The following ZNF219 variants were observed in gnomAD, a reference collection of about 807,000 sequenced individuals.
The protein encoded by ZNF219 is zinc finger protein 219.
A neutral mutation model predicts 54.4 loss-of-function variants in ZNF219; 17 were observed. The ratio of observed to expected loss-of-function variants is 0.31; its 90% CI spans 0.21 to 0.47. The LOEUF (loss-of-function observed/expected upper bound fraction) is 0.47. Among genes scored for constraint, ZNF219 ranks in the 20% least tolerant of loss-of-function variants. The pLI is 1.00. For missense variants in ZNF219, 1,014 were observed against 1,062.3 expected, an observed-to-expected ratio of 0.95 and a Z score of 0.63; for synonymous variants, 518 against 476.4, an observed-to-expected ratio of 1.09 and a Z score of -1.14.
At chr14:21,098,695 G>T, upstream of ZNF219, 1 of 1,042,266 alleles carries the variant, frequency 9.6e-7, no homozygotes, top group Non-Finnish European at 1.2e-6. Context: ...GGAGGGAGCG[G>T]GGGTGGGGCG....
upstream of ZNF219, chr14:21,101,780 T>A: frequency 9.1e-7 from 1 of 1,093,760 alleles, no homozygotes; most frequent in East Asian, 2.6e-5. Context: ...TCAATCCCAT[T>A]TCCTGATCTC....
chr14:21,091,270 T>TCCCA, intron 4 of ZNF219, 130 bp from the exon 5 acceptor site: 2 of 1,505,762 alleles, frequency 1.3e-6, no homozygotes, highest in Non-Finnish European at 8.9e-7. Context: ...CACTTTGATT[T>TCCCA]AATAAAGGAG....
intron 1 of ZNF219, among the ~76,000 whole-genome samples, chr14:21,095,085 G>A (rs964240169): frequency 2.6e-5 from 4 of 152,176 alleles, no homozygotes; most frequent in Admixed American, 1.3e-4. Flanking sequence ...TGTCAGCAGA[G>A]AGAAAAGGCT....
chr14:21,103,332 T>A, upstream of ZNF219: 3 of 1,495,912 alleles, frequency 2.0e-6, no homozygotes, highest in Non-Finnish European at 1.8e-6. Context: ...TCGAGTCCAA[T>A]AGGAAGTCCG....
chr14:21,092,779 C>G lies in ZNF219; in HGVS notation c.518G>C (p.Arg173Pro), dbSNP rs371397983. ...FRCPYCKGKF[R>P]TSAERERHLH... The stretch of plus-strand genomic sequence containing the variant: ...GTGGCGTTCGCGCTCCGCCGAGGTG[C>G]GAAACTTGCCTTTGCAGTAGGGGCA... The change falls in exon 3 of 5, where the codon CGC (arginine) becomes CCC (proline). Residue 173 changes from arginine (R) to proline (P), a missense_variant. Coordinates refer to ENST00000360947, the MANE Select transcript of ZNF219 (RefSeq NM_016423.3). 1.9e-6 allele frequency: 3 copies of G among 1,580,786 alleles called. No homozygotes were observed. The highest frequency in any genetic ancestry group is 2.6e-6 in the Non-Finnish European group (3 of 1,162,904).
In ZNF219 at chr14:21,090,777, C is replaced by T; in HGVS notation, c.1928G>A (p.Gly643Asp). The change falls in exon 5 of 5, where the codon GGT becomes GAT. Residue 643 changes from glycine to aspartate, a missense_variant. By Grantham distance (94) the Gly-to-Asp change is moderately conservative. Around this residue, in one of 5 missense-constraint regions of ZNF219, gnomAD observed 281 missense variants for 271.2 expected, o/e 1.04. Transcript: ENST00000360947. This position sits in a 1 kb window ranked among gnomAD's most constrained non-coding sequence, Gnocchi z 4.4. ...GCAGAAGAGGCAGCGGTGGAGGGCA[C>T]CCCCAGGCCCGGCCTCGCCTCCCGG... ...AGPGGEAGPGGALHRCLFCPF... is the reference protein window; with the variant it reads ...AGPGGEAGPGDALHRCLFCPF... 2.5e-6 allele frequency: 4 copies of T among 1,597,034 alleles called. No individual in the cohort carries two copies. The highest frequency in any genetic ancestry group is 3.4e-6 in the Non-Finnish European group (4 of 1,172,660).
At chr14:21,103,213 G>T (rs1370087174), upstream of ZNF219, 2 of 1,551,650 alleles carry the variant, frequency 1.3e-6, no homozygotes. Flanking sequence ...CAAATGAGAG[G>T]GTGGGACAGC....
At chr14:21,102,795 AG>A (rs1382747936), upstream of ZNF219, 1 of 1,545,776 alleles carries the variant, frequency 6.5e-7, no homozygotes, top group East Asian at 2.4e-5. Context: ...GGGGCAGGGA[AG>A]AAAGCACGAA....
upstream of ZNF219, chr14:21,101,921 C>G: frequency 6.4e-7 from 1 of 1,551,644 alleles, no homozygotes. Context: ...CAGTCGCCTG[C>G]CTGAACTCTG....
Position 21,091,210 on chromosome 14 carries a change from A to G in ZNF219, c.1565-70T>C, listed in dbSNP as rs1888842398. On this transcript the variant is annotated intron_variant, in intron 4 of 4. Coordinates refer to ENST00000360947, the MANE Select transcript of ZNF219 (RefSeq NM_016423.3). The stretch of plus-strand genomic sequence containing the variant: ...CACGCACCCACCCGAATTTCGCCCA[A>G]TTTACAGACCTCATTCTCAGAACCA... 2.0e-6 allele frequency: 3 copies of G among 1,534,418 alleles called. No individual in the cohort carries two copies. In the Admixed American group the frequency reaches 6.1e-5, roughly 31 times the overall value.
intron 1 of ZNF219, among the ~76,000 whole-genome samples, chr14:21,094,004 G>C (rs576378900): frequency 4.6e-5 from 7 of 152,204 alleles, no homozygotes; most frequent in Non-Finnish European, 7.3e-5. Context: ...GCTATGCAGT[G>C]TGGTGAGCAA....
At chr14:21,102,481 C>T (rs1167863884), upstream of ZNF219, 60 of 1,551,624 alleles carry the variant, frequency 3.9e-5, no homozygotes, top group Non-Finnish European at 4.7e-5. Context: ...GTGATGAAGA[C>T]AGCCTTGGGG....
chr14:21,098,348 GGC>G lies in ZNF219; in HGVS notation c.-122_-121del. ...GGGCGGCGGCGGAGCGGGCGGCGGCGGCGGCGGCGGCGGCGGGCGGCGGGCCG... is the reference window on the plus strand; with the variant it reads ...GGGCGGCGGCGGAGCGGGCGGCGGCGGGCGGCGGCGGCGGGCGGCGGGCCG... On this transcript the variant is annotated 5_prime_UTR_variant, in exon 1 of 5. An upstream open reading frame in the 5' UTR loses its in-frame stop. Coordinates refer to ENST00000360947, the MANE Select transcript of ZNF219 (RefSeq NM_016423.3). The G allele has an allele frequency of 3.2e-6, 1 of 309,640 alleles. No individual in the cohort carries two copies. The highest frequency in any genetic ancestry group is 4.6e-6 in the Non-Finnish European group (1 of 216,072). The allele number at this position is 309,640 out of a possible 1,614,324, so 19.2% of individuals were successfully genotyped here. A position where few individuals can be genotyped will look rare whatever the true frequency, so the allele number is the denominator to read the frequency against.
intron 3 of ZNF219, 114 bp from the exon 4 acceptor site, chr14:21,091,656 C>CAG (rs1555340986): frequency 6.7e-7 from 1 of 1,490,612 alleles, no homozygotes; most frequent in South Asian, 1.4e-5. Context: ...CAGGAGGAAA[C>CAG]AAAGTCTGAG....
chr14:21,096,237 C>T (rs1889271110), intron 1 of ZNF219, among the ~76,000 whole-genome samples: 1 of 152,172 alleles, frequency 6.6e-6, no homozygotes, highest in Non-Finnish European at 1.5e-5. Context: ...CAACAATAAA[C>T]CACTTTGCAC....
At position 21,091,771 on chromosome 14, in the gene ZNF219, G is replaced by C. The variant is rs74036595; in HGVS notation, c.1432+94C>G. ...CAAAAAAACTCAGGAGAAATTAAACGTAAGTTCTTTTAACAAGGAAGCTAC... is the reference window on the plus strand; with the variant it reads ...CAAAAAAACTCAGGAGAAATTAAACCTAAGTTCTTTTAACAAGGAAGCTAC... On this transcript the variant is annotated intron_variant, in intron 3 of 4. Coordinates refer to ENST00000360947, the MANE Select transcript of ZNF219 (RefSeq NM_016423.3). The C allele has an allele frequency of 4.1e-3, 6,003 of 1,465,594 alleles. 169 individuals carry two copies. In the African/African-American group the frequency reaches 0.071, roughly 17 times the overall value. 90.8% of individuals were successfully genotyped at this position (1,465,594 alleles called of 1,614,324 possible). A position where few individuals can be genotyped will look rare whatever the true frequency, so the allele number is the denominator to read the frequency against.
At chr14:21,098,815 G>A, upstream of ZNF219, 2 of 1,287,942 alleles carry the variant, frequency 1.6e-6, no homozygotes, top group Non-Finnish European at 2.0e-6. Context: ...ACATACCAGG[G>A]AAGGAGTTGG....
intron 1 of ZNF219, among the ~76,000 whole-genome samples, chr14:21,095,893 C>G (rs1889257464): frequency 6.6e-6 from 1 of 152,176 alleles, no homozygotes; most frequent in Admixed American, 6.5e-5. Context: ...AGCATCCTGA[C>G]AGTTACAGTT....
chr14:21,095,014 C>T (rs987029302), intron 1 of ZNF219, among the ~76,000 whole-genome samples: 9 of 150,720 alleles, frequency 6.0e-5, no homozygotes, highest in African/African-American at 2.2e-4. Flanking sequence ...GAAAAAGATG[C>T]AAGCATTACT....
Sources: gnomAD v4.1 joint callset for allele counts (sites outside exome capture counted in the v4.1 genomes callset) on GRCh38, gnomAD v4.1.1 for gene constraint, gnomAD v4.1.1 regional missense constraint, Gnocchi (gnomAD v3.1) non-coding constraint, MANE v1.5 for transcripts, NCBI Gene and HGNC (gene_info 2026-07-23, HGNC 2026-07-21) for gene names.